Variants in NAA16 observed in about 807,000 individuals in gnomAD.
NAA16 encodes N-alpha-acetyltransferase 16, NatA auxiliary subunit.
NAA16 carries 97 observed loss-of-function variants against 110.3 expected under a neutral mutation model. The ratio of observed to expected loss-of-function variants is 0.88; its 90% CI spans 0.75 to 1.04. The LOEUF (loss-of-function observed/expected upper bound fraction) is 1.04. NAA16 is among the 50% of genes least tolerant of loss of function. NAA16 has a pLI of 0.00. For missense variants in NAA16, 1,017 were observed against 1,005.1 expected (o/e 1.01, Z -0.16); for synonymous variants, 372 against 330.6 (o/e 1.13, Z -1.36).
chr13:41,370,389 A>G (rs571360963), intron 15 of NAA16, among the ~76,000 whole-genome samples: 3 of 152,320 alleles, frequency 2.0e-5, no homozygotes, highest in East Asian at 1.9e-4. Flanking sequence ...AAGGACATCT[A>G]TTAGTAAGGA....
chr13:41,336,830 TG>T, intron 9 of NAA16, 74 bp downstream of exon 9: 2 of 827,812 alleles, frequency 2.4e-6, no homozygotes, highest in Non-Finnish European at 3.8e-6. Flanking sequence ...ATGTAAATAA[TG>T]TGCTATTACT....
At chr13:41,332,285 C>T (rs2042260341) in intron 8 of NAA16, among the ~76,000 whole-genome samples, 1 of 152,170 alleles carries the variant, frequency 6.6e-6, no homozygotes, top group South Asian at 2.1e-4. Flanking sequence ...TAACCACTTT[C>T]CCGAGTTTTG....
At chr13:41,368,028 G>A (rs902354346) in intron 14 of NAA16, among the ~76,000 whole-genome samples, 1 of 152,108 alleles carries the variant, frequency 6.6e-6, no homozygotes, top group Non-Finnish European at 1.5e-5. Flanking sequence ...CATGACCCCT[G>A]TCGCTACAAA....
In NAA16 at chr13:41,322,151, T is replaced by C. The variant is rs2041962537; in HGVS notation, c.403-905T>C. On this transcript the variant is annotated intron_variant, in intron 4 of 19. Coordinates refer to ENST00000379406, the MANE Select transcript of NAA16 (RefSeq NM_024561.5). ...TAGTCCTGGCTACTTGAGAGGCTGA[T>C]GTAGAAGGATTGCTTGAGCCCAGGA... is the stretch of plus-strand genomic sequence containing the variant. Among the ~76,000 whole-genome samples the C allele has an allele frequency of 2.0e-5, 3 of 152,166 alleles. No homozygotes were observed. The South Asian group carries it at 6.2e-4, about 32-fold the overall frequency.
chr13:41,368,665 G>C (rs1270411445), intron 14 of NAA16, among the ~76,000 whole-genome samples: 2 of 152,124 alleles, frequency 1.3e-5, no homozygotes, highest in Non-Finnish European at 2.9e-5. Flanking sequence ...TCATAAATAT[G>C]TTTTTTTAAA....
At position 41,330,383 on chromosome 13, in the gene NAA16, G is replaced by C. The variant is rs569456211; in HGVS notation, c.812-891G>C. ...ATACTTATAAACTACATTTACTACA[G>C]AGATACCTTGTCTGCTAGCACCCAG... On this transcript the variant is annotated intron_variant, in intron 7 of 19. Transcript: ENST00000379406. Among the ~76,000 whole-genome samples, 6 of 152,050 alleles carry C rather than the reference G, an allele frequency of 3.9e-5. No homozygotes were observed. The East Asian group carries it at 7.7e-4, about 20-fold the overall frequency.
chr13:41,355,429 G>T (rs1370110931), intron 10 of NAA16, among the ~76,000 whole-genome samples: 1 of 151,982 alleles, frequency 6.6e-6, no homozygotes, highest in Non-Finnish European at 1.5e-5. Context: ...CGGTTTTTTT[G>T]TTTGTTTGTT....
chr13:41,345,152 T>C (rs2042647815), intron 9 of NAA16, among the ~76,000 whole-genome samples: 1 of 152,258 alleles, frequency 6.6e-6, no homozygotes, highest in South Asian at 2.1e-4. Flanking sequence ...CTGTGAACTT[T>C]GGTGTACAAG....
At position 41,320,815 on chromosome 13, in the gene NAA16, A is replaced by G; in HGVS notation, c.393A>G (p.Glu131=). 3.1e-6 allele frequency: 5 copies of G among 1,600,596 alleles called. No individual in the cohort carries two copies. The highest frequency in any genetic ancestry group is 4.3e-6 in the Non-Finnish European group (5 of 1,176,194). ...SLLQIQMRDL[E]GYRETRYQLL... is the part of the protein sequence containing the mutation. ...TGCAGATCCAAATGAGAGACCTTGA[A>G]GGTTACCGAGTAAGTACTTCATTCT... The change falls in exon 4 of 20, where the codon GAA becomes GAG. Residue 131 remains glutamate, a synonymous_variant. Coordinates refer to ENST00000379406, the MANE Select transcript of NAA16 (RefSeq NM_024561.5).
rs2043436622 is a variant in NAA16 at position 41,377,002 on chromosome 13, T to TG, written c.*1401dup. 1.3e-5 allele frequency: 2 copies of TG among 152,314 alleles called. No homozygotes were observed. Among genetic ancestry groups the TG allele is most frequent in the South Asian group, 4.1e-4 (2 of 4,828 alleles). The allele number at this position is 152,314 out of a possible 1,614,324, so 9.4% of individuals were successfully genotyped here. A position where few individuals can be genotyped will look rare whatever the true frequency, so the allele number is the denominator to read the frequency against. On this transcript the variant is annotated 3_prime_UTR_variant, in exon 20 of 20. Transcript: ENST00000379406. ...TGTAAAATAATGCCAACCTAGATAA[T>TG]GCTATAATAAATTATTTTGTACACA...
intron 4 of NAA16, among the ~76,000 whole-genome samples, chr13:41,322,304 A>G (rs2041967972): frequency 6.6e-6 from 1 of 152,180 alleles, no homozygotes; most frequent in African/African-American, 2.4e-5. Flanking sequence ...TAGGAGTGTC[A>G]TCAAATGATA....
chr13:41,362,339 A>G, intron 13 of NAA16, 180 bp downstream of exon 13: 1 of 575,244 alleles, frequency 1.7e-6, no homozygotes, highest in African/African-American at 1.9e-5. Context: ...CTGATCCTCA[A>G]GTGATTATGC....
At chr13:41,366,679 G>A (rs2043213466) in intron 13 of NAA16, among the ~76,000 whole-genome samples, 1 of 152,242 alleles carries the variant, frequency 6.6e-6, no homozygotes, top group Middle Eastern at 3.4e-3. Flanking sequence ...ATAGACTCCA[G>A]TTTCAGAACT....
chr13:41,356,437 ACAAAACCTCATAACATAATATCT>A (rs1334114277), intron 10 of NAA16, among the ~76,000 whole-genome samples: 4 of 119,340 alleles, frequency 3.4e-5, no homozygotes, highest in East Asian at 4.9e-4. Context: ...GCCATGTCAC[ACAAAACCTCATAACATAATATCT>A]GATACCCAAT....
chr13:41,372,597 G>A (rs1046163203), intron 16 of NAA16, 135 bp from the exon 17 acceptor site: 62 of 1,327,212 alleles, frequency 4.7e-5, no homozygotes, highest in Middle Eastern at 2.8e-4. Flanking sequence ...GATAGCCAGA[G>A]TCAACTTTAA....
At chr13:41,323,879 A>C (rs913464626) in intron 5 of NAA16, among the ~76,000 whole-genome samples, 2 of 152,172 alleles carry the variant, frequency 1.3e-5, no homozygotes, top group Non-Finnish European at 2.9e-5. Flanking sequence ...TTAATCCACC[A>C]ACCTTGAGTC....
At chr13:41,319,506 T>TA (rs1340992532) in intron 3 of NAA16, among the ~76,000 whole-genome samples, 2 of 151,956 alleles carry the variant, frequency 1.3e-5, no homozygotes, top group East Asian at 3.9e-4. Context: ...TCCCAGTGTG[T>TA]AAAAAAAAAT....
chr13:41,343,705 TA>T (rs2042613012), intron 9 of NAA16, among the ~76,000 whole-genome samples: 1 of 152,176 alleles, frequency 6.6e-6, no homozygotes, highest in African/African-American at 2.4e-5. Context: ...AATTTTATTT[TA>T]TTTTTTTGTA....
Position 41,355,167 on chromosome 13 carries a change from T to A in NAA16, c.1038T>A (p.Val346=). ...AGGTTTCTATAATCCAGGAACTTGT[T>A]ACTAATTATGAAGCCTCTCTTAAAA... is the stretch of plus-strand genomic sequence containing the variant. ...TEKVSIIQEL[V]TNYEASLKTC... is the part of the protein sequence containing the mutation. The change falls in exon 10 of 20, where the codon GTT becomes GTA. Residue 346 remains valine, a synonymous_variant. Coordinates refer to ENST00000379406, the MANE Select transcript of NAA16 (RefSeq NM_024561.5). 1 of 1,587,410 alleles carries A rather than the reference T, an allele frequency of 6.3e-7. No individual in the cohort carries two copies. The highest frequency in any genetic ancestry group is 8.6e-7 in the Non-Finnish European group (1 of 1,166,574).
Sources: gnomAD v4.1 joint callset for allele counts (sites outside exome capture counted in the v4.1 genomes callset) on GRCh38, gnomAD v4.1.1 for gene constraint, MANE v1.5 for transcripts, NCBI Gene and HGNC (gene_info 2026-07-23, HGNC 2026-07-21) for gene names.